Variants in ARHGEF7 observed in about 807,000 individuals in gnomAD.
ARHGEF7 encodes PAK-interacting exchange factor beta.
A neutral mutation model predicts 109.8 loss-of-function variants in ARHGEF7; 33 were observed. That is an observed-to-expected ratio of 0.30 (90% CI 0.23 to 0.40). The LOEUF (loss-of-function observed/expected upper bound fraction) is 0.40, where lower values mean the gene tolerates loss of function less well. Ranked by LOEUF, ARHGEF7 falls within the 10% of genes least tolerant of loss-of-function variation. The pLI, the probability that ARHGEF7 is intolerant of heterozygous loss-of-function variation, is 1.00. For synonymous variants in ARHGEF7, 458 were observed against 424.6 expected, an observed-to-expected ratio of 1.08 and a Z score of -0.97; for missense variants, 938 against 1,098.5, an observed-to-expected ratio of 0.85 and a Z score of 2.07.
At chr13:111,276,315 C>G (rs376835144) in intron 12 of ARHGEF7, among the ~76,000 whole-genome samples, 5 of 152,174 alleles carry the variant, frequency 3.3e-5, no homozygotes, top group African/African-American at 1.2e-4. Context: ...CGAAATGACT[C>G]ATTTTTGAAC....
At chr13:111,122,324 G>A (rs1341428091) in intron 1 of ARHGEF7, among the ~76,000 whole-genome samples, 4 of 152,222 alleles carry the variant, frequency 2.6e-5, no homozygotes, top group Non-Finnish European at 5.9e-5. Flanking sequence ...GGGCCAGCCT[G>A]CCCCACCTGG....
intron 1 of ARHGEF7, among the ~76,000 whole-genome samples, chr13:111,147,622 C>T (rs1408090879): frequency 1.3e-5 from 2 of 151,820 alleles, no homozygotes; most frequent in African/African-American, 4.8e-5. Flanking sequence ...ACACCCTGGA[C>T]TGCCAAAATG....
intron 18 of ARHGEF7, among the ~76,000 whole-genome samples, chr13:111,291,363 C>G (rs983548253): frequency 6.6e-6 from 1 of 152,282 alleles, no homozygotes; most frequent in African/African-American, 2.4e-5. Flanking sequence ...GTTCATGTCT[C>G]TCTTCCTGAC....
intron 1 of ARHGEF7, among the ~76,000 whole-genome samples, chr13:111,120,396 T>G (rs1173832570): frequency 6.6e-6 from 1 of 152,220 alleles, no homozygotes; most frequent in African/African-American, 2.4e-5. Context: ...TGCACATGCA[T>G]GTGCACACAC....
intron 1 of ARHGEF7, chr13:111,153,690 A>G: frequency 7.9e-7 from 1 of 1,273,240 alleles, no homozygotes; most frequent in Non-Finnish European, 9.9e-7. Context: ...GAAGGGGCAG[A>G]GATTGGTGCA....
At chr13:111,244,763 T>C (rs1432960453) in intron 8 of ARHGEF7, among the ~76,000 whole-genome samples, 2 of 152,230 alleles carry the variant, frequency 1.3e-5, no homozygotes, top group African/African-American at 4.8e-5. Context: ...ATTGTGGTTT[T>C]GGATTGTGAA....
At chr13:111,171,162 C>T (rs1404781040) in intron 2 of ARHGEF7, among the ~76,000 whole-genome samples, 1 of 152,204 alleles carries the variant, frequency 6.6e-6, no homozygotes, top group Non-Finnish European at 1.5e-5. Context: ...TACTTTTGTT[C>T]AGGGCTCTGT....
chr13:111,129,566 A>T (rs1018159733), intron 1 of ARHGEF7, among the ~76,000 whole-genome samples: 9 of 152,254 alleles, frequency 5.9e-5, no homozygotes, highest in Non-Finnish European at 1.0e-4. Context: ...AAATGGTTTG[A>T]ATAGACATTT....
intron 8 of ARHGEF7, among the ~76,000 whole-genome samples, chr13:111,248,468 T>C (rs1186716279): frequency 6.6e-6 from 1 of 152,144 alleles, no homozygotes; most frequent in African/African-American, 2.4e-5. Flanking sequence ...TTTGCTGCTT[T>C]ACTGTTTCTA....
At chr13:111,275,454 A>T in intron 11 of ARHGEF7, 78 bp from the exon 12 acceptor site, 1 of 1,480,254 alleles carries the variant, frequency 6.8e-7, no homozygotes, top group Non-Finnish European at 9.4e-7. Flanking sequence ...TGTCTTAAGG[A>T]TGATACAAAG....
chr13:111,219,243 C>T (rs1380146272), intron 5 of ARHGEF7, among the ~76,000 whole-genome samples: 3 of 152,180 alleles, frequency 2.0e-5, no homozygotes, highest in Non-Finnish European at 4.4e-5. Context: ...GTTGGTGCTT[C>T]GTGTAAGTGC....
chr13:111,171,086 G>A (rs889564730), intron 2 of ARHGEF7, among the ~76,000 whole-genome samples: 4 of 152,160 alleles, frequency 2.6e-5, no homozygotes, highest in Admixed American at 2.0e-4. Flanking sequence ...TTAAACAAGG[G>A]CTTGAACTCA....
chr13:111,301,645 C>A (rs2093570597), intron 21 of ARHGEF7, 113 bp downstream of exon 21: 1 of 842,492 alleles, frequency 1.2e-6, no homozygotes, highest in East Asian at 2.7e-5. Flanking sequence ...ATAATCCCAG[C>A]ACTTTAGAAG....
intron 2 of ARHGEF7, among the ~76,000 whole-genome samples, chr13:111,170,287 G>A (rs1362516535): frequency 1.3e-5 from 2 of 152,176 alleles, no homozygotes; most frequent in South Asian, 2.1e-4. Flanking sequence ...TAATAGAGAC[G>A]AGGTCTTGCC....
rs145846403 is a variant in ARHGEF7, at chr13:111,281,294, T to G, written c.1725+617T>G. Among the ~76,000 whole-genome samples, 3 of 150,880 alleles carry G rather than the reference T, an allele frequency of 2.0e-5. No individual in the cohort carries two copies. The East Asian group carries it at 5.9e-4, about 30-fold the overall frequency. ...TGTGCTCAAGAAGTTGGTATCGGGT[T>G]GTTTTAACAGTCGTCATCTTTATCA... On this transcript the variant is annotated intron_variant, in intron 15 of 21. Transcript: ENST00000646102.
At chr13:111,153,506 A>C in intron 1 of ARHGEF7, 2 of 507,288 alleles carry the variant, frequency 3.9e-6, no homozygotes, top group Non-Finnish European at 5.2e-6. Context: ...GGCTCCCTCT[A>C]CCGGACCGAG....
chr13:111,267,739 A>G (rs2091783116), intron 9 of ARHGEF7, 69 bp downstream of exon 9: 3 of 1,573,442 alleles, frequency 1.9e-6, no homozygotes, highest in South Asian at 1.1e-5. Flanking sequence ...AGTGCATGAA[A>G]TAGTATGATG....
chr13:111,224,773 G>C (rs1007492478), intron 5 of ARHGEF7, among the ~76,000 whole-genome samples: 1 of 152,128 alleles, frequency 6.6e-6, no homozygotes. Context: ...TAATCTGTGC[G>C]GGGAAAAGGA....
chr13:111,202,968 T>C (rs926362940), intron 2 of ARHGEF7: 4 of 676,562 alleles, frequency 5.9e-6, no homozygotes, highest in Non-Finnish European at 8.3e-6. Flanking sequence ...GATGTCATAT[T>C]GAAGCCCATT....
Sources: gnomAD v4.1 joint callset for allele counts (sites outside exome capture counted in the v4.1 genomes callset) on GRCh38, gnomAD v4.1.1 for gene constraint, MANE v1.5 for transcripts, NCBI Gene and HGNC (gene_info 2026-07-23, HGNC 2026-07-21) for gene names.